Variants in MYH7 observed in about 807,000 individuals in gnomAD.
The protein encoded by MYH7 is myosin-7.
MYH7 carries 129 observed loss-of-function variants against 225.4 expected under a neutral mutation model. The ratio of observed to expected loss-of-function variants is 0.57; its 90% confidence interval spans 0.50 to 0.66. The LOEUF (loss-of-function observed/expected upper bound fraction) is 0.66. Among genes scored for constraint, MYH7 ranks in the 30% least tolerant of loss-of-function variants. MYH7 has a pLI of 0.00. For synonymous variants in MYH7, 971 were observed against 1,007.6 expected (o/e 0.96, Z 0.69); for missense variants, 1,649 against 2,517.0 (o/e 0.66, Z 7.38).
At chr14:23,423,434 C>T (rs61977672) in intron 24 of MYH7, 113 bp downstream of exon 24, 2 of 1,192,964 alleles carry the variant, frequency 1.7e-6, no homozygotes, top group Non-Finnish European at 2.3e-6. Flanking sequence ...AACATAAACA[C>T]AAACACACAC....
At position 23,433,642 on chromosome 14, in the gene MYH7, A is replaced by G. The variant is rs757655773; in HGVS notation, c.91T>C (p.Phe31Leu). 2 of 1,614,140 alleles carry G rather than the reference A, an allele frequency of 1.2e-6. No individual in the cohort carries two copies. Among genetic ancestry groups the G allele is most frequent in the African/African-American group, 2.7e-5 (2 of 74,942 alleles). The change falls in exon 3 of 40, where the codon TTT becomes CTT. Residue 31 changes from phenylalanine (F) to leucine (L), a missense_variant. Around this residue, in one of 12 missense-constraint regions of MYH7, gnomAD observed 91 missense variants for 96.5 expected, o/e 0.94. Transcript: ENST00000355349. This position sits in a 1 kb window ranked among gnomAD's most constrained non-coding sequence, Gnocchi z 4.1. ...KERLEAQTRPFDLKKDVFVPD... is the reference protein window; with the variant it reads ...KERLEAQTRPLDLKKDVFVPD... Reference sequence around the variant, plus strand: ...ACGAAGACATCCTTCTTGAGGTCAAAAGGCCTGGTCTGCGCTTCTAGCCGC... The same window carrying G: ...ACGAAGACATCCTTCTTGAGGTCAAGAGGCCTGGTCTGCGCTTCTAGCCGC...
chr14:23,420,411 C>T (rs1892431365), intron 26 of MYH7, among the ~76,000 whole-genome samples, 177 bp from the exon 27 acceptor site: 1 of 152,170 alleles, frequency 6.6e-6, no homozygotes, highest in Non-Finnish European at 1.5e-5. Flanking sequence ...TAGGCGAGGG[C>T]CTGACAGTCT....
intron 15 of MYH7, among the ~76,000 whole-genome samples, 155 bp downstream of exon 15, chr14:23,428,345 G>T (rs973044464): frequency 6.6e-6 from 1 of 152,164 alleles, no homozygotes; most frequent in African/African-American, 2.4e-5. Flanking sequence ...CCTGTCCTGG[G>T]TGCTCAGCAC....
chr14:23,420,112 G>C lies in MYH7; in HGVS notation c.3459C>G (p.Ala1153=). ...CGATCTGCACGGACGTGGCCCCGCC[G>C]GCCTCTTCCAGCCGCTCGCTGATCT... ...LEEISERLEE[A]GGATSVQIEM... is the part of the protein sequence containing the mutation. Residue 1153 remains alanine, a synonymous_variant, in exon 27 of 40, where the codon GCC becomes GCG. Transcript: ENST00000355349. 6.2e-7 allele frequency: 1 copy of C among 1,604,622 alleles called. No homozygotes were observed. Among genetic ancestry groups the C allele is most frequent in the South Asian group, 1.1e-5 (1 of 90,544 alleles).
In MYH7 at chr14:23,425,257, G is replaced by A; in HGVS notation, c.2423+25C>T. The A allele has an allele frequency of 6.2e-7, 1 of 1,614,148 alleles. No individual in the cohort carries two copies. Among genetic ancestry groups the A allele is most frequent in the Non-Finnish European group, 8.5e-7 (1 of 1,180,028 alleles). On this transcript the variant is annotated intron_variant, in intron 21 of 39. Coordinates refer to ENST00000355349, the MANE Select transcript of MYH7 (RefSeq NM_000257.4). The surrounding 1 kb of genome is among the most constrained non-coding windows in gnomAD (Gnocchi z 4.6). ...ACCAGCCTGGGCCTCAGAGAAGCGG[G>A]AAACCTCCTCTTGAGATCTCTCACC...
Position 23,415,806 on chromosome 14 carries a change from T to C in MYH7, c.4980A>G (p.Ala1660=), listed in dbSNP as rs112943492. 74 of 1,614,170 alleles carry C rather than the reference T, an allele frequency of 4.6e-5. No homozygotes were observed. Among genetic ancestry groups the C allele is most frequent in the Non-Finnish European group, 5.3e-5 (63 of 1,180,028 alleles). ...LKDTQIQLDD[A]VRANDDLKEN... ...CCTTCAGGTCGTCGTTGGCACGGAC[T>C]GCATCGTCCAGCTGAATCTGGGTGT... The change falls in exon 35 of 40, where the codon GCA becomes GCG. Residue 1660 remains alanine, a synonymous_variant. Coordinates refer to ENST00000355349, the MANE Select transcript of MYH7 (RefSeq NM_000257.4). This position sits in a 1 kb window ranked among gnomAD's most constrained non-coding sequence, Gnocchi z 6.3.
Position 23,432,791 on chromosome 14 carries a change from T to C in MYH7, c.350A>G (p.Tyr117Cys). ...GACGGTGACACAGAAGAGGCCCGAG[T>C]AGGTCTGGGGATAGAAAAGGAGCAG... ...DRYGSWMIYT[Y>C]SGLFCVTVNP... The change falls in exon 5 of 40, where the codon TAC (tyrosine) becomes TGC (cysteine). Residue 117 changes from tyrosine to cysteine, a missense_variant. Coordinates refer to ENST00000355349, the MANE Select transcript of MYH7 (RefSeq NM_000257.4). The C allele has an allele frequency of 1.9e-6, 3 of 1,613,646 alleles. No individual in the cohort carries two copies. Among genetic ancestry groups the C allele is most frequent in the Non-Finnish European group, 2.5e-6 (3 of 1,179,938 alleles).
rs529700838 is a variant in MYH7, at chr14:23,419,950, G to C, written c.3621C>G (p.Ile1207Met). ...TCTGCTTCACCCGCTGCAGGTTGTC[G>C]ATCTGCTCGCCCAGCTCGGCCACGC... ...ADSVAELGEQ[I>M]DNLQRVKQKL... The change falls in exon 27 of 40, where the codon ATC becomes ATG. Residue 1207 changes from isoleucine (I) to methionine (M), a missense_variant. Physicochemically the swap from Ile to Met is conservative, Grantham distance 10. This residue lies in a region of MYH7 where 106 missense variants were observed against 198.8 expected (regional missense o/e 0.53). Transcript: ENST00000355349. 20 of 1,609,270 alleles carry C rather than the reference G, an allele frequency of 1.2e-5. No individual in the cohort carries two copies. Among genetic ancestry groups the C allele is most frequent in the Non-Finnish European group, 1.7e-5 (20 of 1,176,738 alleles).
chr14:23,417,097 C>G, intron 32 of MYH7, 56 bp downstream of exon 32: 1 of 1,614,106 alleles, frequency 6.2e-7, no homozygotes, highest in East Asian at 2.2e-5. Context: ...TGGGTGGCAC[C>G]ATATGGGAAC....
chr14:23,415,598 C>G lies in MYH7; in HGVS notation c.5157+31G>C, dbSNP rs1166923335. ...TGCTTGCTGAGCCCCAGCCTGTGCT[C>G]CCTTCAGGAATGAGCAGGGGAGCTG... On this transcript the variant is annotated intron_variant, in intron 35 of 39. Transcript: ENST00000355349. This position sits in a 1 kb window ranked among gnomAD's most constrained non-coding sequence, Gnocchi z 6.3. 2 of 1,613,694 alleles carry G rather than the reference C, an allele frequency of 1.2e-6. No individual in the cohort carries two copies. The highest frequency in any genetic ancestry group is 1.7e-6 in the Non-Finnish European group (2 of 1,180,022).
At chr14:23,420,378 A>G (rs1892430339) in intron 26 of MYH7, 144 bp from the exon 27 acceptor site, 3 of 1,504,178 alleles carry the variant, frequency 2.0e-6, no homozygotes, top group Middle Eastern at 2.3e-4. Context: ...GATTTGGGGA[A>G]GATAGTTTGA....
In MYH7 at chr14:23,425,644, G is replaced by A. The variant is rs1892664380; in HGVS notation, c.2286+51C>T. The A allele has an allele frequency of 6.2e-7, 1 of 1,613,216 alleles. No homozygotes were observed. Among genetic ancestry groups the A allele is most frequent in the South Asian group, 1.1e-5 (1 of 91,050 alleles). ...TTACAACAGGAAAAGCATCAGAGGAGTCAATGGAAAAGAGATGTCTTCCTT... is the reference window on the plus strand; with the variant it reads ...TTACAACAGGAAAAGCATCAGAGGAATCAATGGAAAAGAGATGTCTTCCTT... On this transcript the variant is annotated intron_variant, in intron 20 of 39. Coordinates refer to ENST00000355349, the MANE Select transcript of MYH7 (RefSeq NM_000257.4). The surrounding 1 kb of genome is among the most constrained non-coding windows in gnomAD (Gnocchi z 4.6).
In MYH7 at chr14:23,419,326, C is replaced by G. The variant is rs146118180; in HGVS notation, c.3854-31G>C. On this transcript the variant is annotated intron_variant, in intron 28 of 39. Coordinates refer to ENST00000355349, the MANE Select transcript of MYH7 (RefSeq NM_000257.4). Reference sequence around the variant, plus strand: ...GAAGCACCATTCTAGATCAGCACTCCTCTCTATCCCCACCTCCTCCTCTAG... The same window carrying G: ...GAAGCACCATTCTAGATCAGCACTCGTCTCTATCCCCACCTCCTCCTCTAG... 4.7e-4 allele frequency: 751 copies of G among 1,613,414 alleles called. 2 individuals are homozygous for G. The African/African-American group carries it at 8.6e-3, about 19-fold the overall frequency.
intron 26 of MYH7, among the ~76,000 whole-genome samples, chr14:23,420,524 T>C (rs1892433623): frequency 6.6e-6 from 1 of 152,080 alleles, no homozygotes; most frequent in African/African-American, 2.4e-5. Flanking sequence ...CATAAAAAAA[T>C]AACAAAAGTT....
In MYH7 at chr14:23,417,157, C is replaced by A. The variant is rs397516219; in HGVS notation, c.4515G>T (p.Leu1505=). The A allele has an allele frequency of 2.8e-5, 45 of 1,614,186 alleles. No homozygotes were observed. Among genetic ancestry groups the A allele is most frequent in the Middle Eastern group, 3.3e-4 (2 of 6,062 alleles). ...CCTCTTGGGCCCCCAGCACACCCTG[C>A]AGGTTTTTGTTCTCCCGCTTGAAGG... ...LETFKRENKN[L]QEEISDLTEQ... is the part of the protein sequence containing the mutation. Residue 1505 remains leucine (L), a synonymous_variant, in exon 32 of 40, where the codon CTG becomes CTT. Transcript: ENST00000355349.
At chr14:23,431,037 G>A (rs758268563) in intron 9 of MYH7, 38 bp from the exon 10 acceptor site, 3 of 1,485,152 alleles carry the variant, frequency 2.0e-6, no homozygotes, top group Non-Finnish European at 2.8e-6. Flanking sequence ...AGAAAGAAAA[G>A]TTAGGGTTTG....
In MYH7 at chr14:23,419,826, G is replaced by A. The variant is rs1171607794; in HGVS notation, c.3726+19C>T. On this transcript the variant is annotated intron_variant, in intron 27 of 39. Transcript: ENST00000355349. ...GTGGGAGGAGGAAGTTGGAGGAGGGGAGGCCGAGCAGAGCCTGCCTTGGCC... is the reference window on the plus strand; with the variant it reads ...GTGGGAGGAGGAAGTTGGAGGAGGGAAGGCCGAGCAGAGCCTGCCTTGGCC... The A allele has an allele frequency of 1.2e-6, 2 of 1,613,994 alleles. No homozygotes were observed. The highest frequency in any genetic ancestry group is 1.1e-5 in the South Asian group (1 of 91,080).
In MYH7 at chr14:23,433,679, C is replaced by G. The variant is rs762822176; in HGVS notation, c.54G>C (p.Lys18Asn). The G allele has an allele frequency of 6.2e-7, 1 of 1,614,274 alleles. No individual in the cohort carries two copies. Among genetic ancestry groups the G allele is most frequent in the South Asian group, 1.1e-5 (1 of 91,092 alleles). Residue 18 changes from lysine to asparagine, a missense_variant, in exon 3 of 40, where the codon AAG (lysine) becomes AAC (asparagine). Lys to Asn is a moderately conservative substitution (Grantham distance 94). This residue lies in a region of MYH7 where 91 missense variants were observed against 96.5 expected (regional missense o/e 0.94). Coordinates refer to ENST00000355349, the MANE Select transcript of MYH7 (RefSeq NM_000257.4). The surrounding 1 kb of genome is among the most constrained non-coding windows in gnomAD (Gnocchi z 4.1). ...VFGAAAPYLR[K>N]SEKERLEAQT... ...GCGCTTCTAGCCGCTCCTTCTCTGA[C>G]TTGCGCAGGTAGGGGGCGGCAGCCC...
At position 23,415,414 on chromosome 14, in the gene MYH7, A is replaced by T; in HGVS notation, c.5250T>A (p.Asn1750Lys). 2 of 1,614,134 alleles carry T rather than the reference A, an allele frequency of 1.2e-6. No individual in the cohort carries two copies. Among genetic ancestry groups the T allele is most frequent in the Non-Finnish European group, 1.7e-6 (2 of 1,180,032 alleles). Residue 1750 changes from asparagine (N) to lysine (K), a missense_variant, in exon 36 of 40, where the codon AAT becomes AAA. Coordinates refer to ENST00000355349, the MANE Select transcript of MYH7 (RefSeq NM_000257.4). The surrounding 1 kb of genome is among the most constrained non-coding windows in gnomAD (Gnocchi z 6.3). The stretch of plus-strand genomic sequence containing the variant: ...TGGCCTTCTTGGCCTTCTCCTCAGC[A>T]TTCCTGCACTCCTGCACTGCCTCCT... ...EVEEAVQECR[N>K]AEEKAKKAIT...
Sources: gnomAD v4.1 joint callset for allele counts (sites outside exome capture counted in the v4.1 genomes callset) on GRCh38, gnomAD v4.1.1 for gene constraint, gnomAD v4.1.1 regional missense constraint, Gnocchi (gnomAD v3.1) non-coding constraint, MANE v1.5 for transcripts, NCBI Gene and HGNC (gene_info 2026-07-23, HGNC 2026-07-21) for gene names.